The following C9orf85 variants were observed in gnomAD, a reference collection of about 807,000 sequenced individuals.
C9orf85 encodes chromosome 9 open reading frame 85, also known as uncharacterized protein C9orf85.
Under a neutral mutation model 14.9 loss-of-function variants are expected in C9orf85, and 16 were observed. That is an observed-to-expected ratio of 1.08 (90% confidence interval 0.73 to 1.63). C9orf85 has a LOEUF of 1.63. C9orf85 is among the 40% of genes most tolerant of loss of function. The pLI is 0.00. For synonymous variants in C9orf85, 45 were observed against 56.8 expected (o/e 0.79, Z 0.93); for missense variants, 172 against 186.1 (o/e 0.92, Z 0.44).
intron 2 of C9orf85, among the ~76,000 whole-genome samples, chr9:71,959,576 C>G (rs1437739000): frequency 1.3e-5 from 2 of 152,194 alleles, no homozygotes; most frequent in African/African-American, 4.8e-5. Context: ...ATACTCAAAA[C>G]TAGCATCTAG....
downstream of C9orf85, among the ~76,000 whole-genome samples, chr9:71,976,393 T>C (rs1456388765): frequency 2.0e-5 from 3 of 152,204 alleles, no homozygotes; most frequent in African/African-American, 7.2e-5. Context: ...CCGGGCACGG[T>C]GGCTCATGCC....
intron 1 of C9orf85, among the ~76,000 whole-genome samples, chr9:71,922,229 G>A (rs1027655867): frequency 1.8e-4 from 28 of 152,010 alleles, no homozygotes; most frequent in African/African-American, 4.8e-4. Flanking sequence ...ATGAGCCACC[G>A]TGCCTGGCTG....
chr9:71,963,009 T>C (rs1262899658), intron 2 of C9orf85, among the ~76,000 whole-genome samples: 2 of 152,152 alleles, frequency 1.3e-5, no homozygotes, highest in East Asian at 1.9e-4. Flanking sequence ...TGAGCCGAGA[T>C]TGCGCCATTG....
intron 1 of C9orf85, among the ~76,000 whole-genome samples, chr9:71,930,481 G>T (rs1464346668): frequency 6.6e-6 from 1 of 151,834 alleles, no homozygotes; most frequent in African/African-American, 2.4e-5. Flanking sequence ...GATGATGAAG[G>T]TATGGCTATG....
At chr9:71,918,501 G>A (rs536879675) in intron 1 of C9orf85, 38 of 1,245,468 alleles carry the variant, frequency 3.1e-5, no homozygotes, top group East Asian at 2.3e-4. Flanking sequence ...CCCGACCCCC[G>A]CATCGGTCCA....
chr9:71,956,084 G>A (rs1822372162), intron 2 of C9orf85, among the ~76,000 whole-genome samples: 1 of 152,060 alleles, frequency 6.6e-6, no homozygotes, highest in Non-Finnish European at 1.5e-5. Context: ...GCATTACTAT[G>A]AAAGAATTTT....
At chr9:71,954,432 GTTTA>G (rs910872385) in intron 2 of C9orf85, among the ~76,000 whole-genome samples, 5 of 152,138 alleles carry the variant, frequency 3.3e-5, no homozygotes, top group African/African-American at 1.2e-4. Flanking sequence ...GTGAAAGCAA[GTTTA>G]TTAAGAAAGT....
At chr9:71,911,945 C>A in intron 1 of C9orf85, 109 bp downstream of exon 1, 1 of 933,308 alleles carries the variant, frequency 1.1e-6, no homozygotes, top group Non-Finnish European at 1.8e-6. Flanking sequence ...GACCGCAGCC[C>A]AGAGTTAGTC....
chr9:71,926,679 T>A (rs890078062), intron 1 of C9orf85, among the ~76,000 whole-genome samples: 1 of 147,074 alleles, frequency 6.8e-6, no homozygotes, highest in Non-Finnish European at 1.5e-5. Context: ...GCTTAAAAAC[T>A]ACCACTGTGG....
chr9:71,931,753 T>C (rs1423948167), intron 1 of C9orf85, among the ~76,000 whole-genome samples: 1 of 152,240 alleles, frequency 6.6e-6, no homozygotes, highest in Non-Finnish European at 1.5e-5. Flanking sequence ...GAAGGTACTC[T>C]ACACTTGTCA....
intron 2 of C9orf85, among the ~76,000 whole-genome samples, chr9:71,970,553 C>A (rs959857516): frequency 3.9e-5 from 6 of 152,110 alleles, no homozygotes; most frequent in Admixed American, 2.0e-4. Context: ...ATTCTGATGA[C>A]CTATATACGT....
intron 2 of C9orf85, among the ~76,000 whole-genome samples, chr9:71,952,463 C>G (rs1822271533): frequency 6.6e-6 from 1 of 152,196 alleles, no homozygotes; most frequent in African/African-American, 2.4e-5. Flanking sequence ...CTCCTGGGTT[C>G]ACACAATTCT....
intron 1 of C9orf85, among the ~76,000 whole-genome samples, chr9:71,912,660 G>C (rs1020788147): frequency 6.6e-6 from 1 of 152,044 alleles, no homozygotes; most frequent in Non-Finnish European, 1.5e-5. Flanking sequence ...GGTGGTGGGC[G>C]GATCACCTGA....
At chr9:71,977,019 A>G (rs1327112747), downstream of C9orf85, among the ~76,000 whole-genome samples, 1 of 152,178 alleles carries the variant, frequency 6.6e-6, no homozygotes, top group Non-Finnish European at 1.5e-5. Flanking sequence ...CATGATGTCT[A>G]GAGCTTGCAG....
chr9:71,969,529 A>G (rs966804943), intron 2 of C9orf85, among the ~76,000 whole-genome samples: 3 of 152,122 alleles, frequency 2.0e-5, no homozygotes, highest in Non-Finnish European at 4.4e-5. Context: ...TATGAATTAT[A>G]TTGATCTTTT....
At chr9:71,963,563 G>C (rs1033573310) in intron 2 of C9orf85, among the ~76,000 whole-genome samples, 22 of 152,216 alleles carry the variant, frequency 1.4e-4, no homozygotes, top group Non-Finnish European at 1.5e-4. Flanking sequence ...CGGGAACCCG[G>C]GCTGCGCGAG....
chr9:71,967,587 T>C (rs1389784029), intron 2 of C9orf85, among the ~76,000 whole-genome samples: 1 of 152,228 alleles, frequency 6.6e-6, no homozygotes, highest in Non-Finnish European at 1.5e-5. Context: ...ATTGTGATTT[T>C]ATTAAACTCA....
chr9:71,945,077 T>C (rs1822049897), intron 1 of C9orf85, among the ~76,000 whole-genome samples: 1 of 152,220 alleles, frequency 6.6e-6, no homozygotes, highest in Non-Finnish European at 1.5e-5. Context: ...GAATGTGTTA[T>C]ATACAATAAA....
intron 1 of C9orf85, 26 bp downstream of exon 1, chr9:71,911,862 T>A (rs769305329): frequency 2.6e-5 from 42 of 1,598,688 alleles, no homozygotes; most frequent in Non-Finnish European, 3.5e-5. Context: ...TTGCACCGTC[T>A]TTGACTCCAG....
Sources: gnomAD v4.1 joint callset for allele counts (sites outside exome capture counted in the v4.1 genomes callset) on GRCh38, gnomAD v4.1.1 for gene constraint, MANE v1.5 for transcripts, NCBI Gene and HGNC (gene_info 2026-07-23, HGNC 2026-07-21) for gene names.